Variants in ZBTB20 observed in about 807,000 individuals in gnomAD.
ZBTB20 encodes zinc finger and BTB domain containing 20.
ZBTB20 carries 9 observed loss-of-function variants against 56.9 expected under a neutral mutation model. That is an observed-to-expected ratio of 0.16 (90% CI 0.10 to 0.28). ZBTB20 has a LOEUF of 0.28. Among genes scored for constraint, ZBTB20 ranks in the 10% least tolerant of loss-of-function variants. The pLI, the probability that ZBTB20 is intolerant of heterozygous loss-of-function variation, is 1.00. For synonymous variants in ZBTB20, 417 were observed against 420.7 expected, an observed-to-expected ratio of 0.99 and a Z score of 0.11; for missense variants, 655 against 1,003.0, an observed-to-expected ratio of 0.65 and a Z score of 4.69.
At chr3:115,124,939 T>A (rs963750210) in intron 1 of ZBTB20, among the ~76,000 whole-genome samples, 1 of 152,040 alleles carries the variant, frequency 6.6e-6, no homozygotes, top group South Asian at 2.1e-4. Context: ...CTAATAAACA[T>A]AGGTAAACAC....
At chr3:114,869,706 A>C (rs549434861) in intron 4 of ZBTB20, among the ~76,000 whole-genome samples, 9 of 152,198 alleles carry the variant, frequency 5.9e-5, no homozygotes, top group Non-Finnish European at 1.2e-4. Flanking sequence ...ACAATAAACT[A>C]TATGTGTGAA....
intron 5 of ZBTB20, among the ~76,000 whole-genome samples, chr3:114,708,012 T>C (rs1447225195): frequency 6.6e-6 from 1 of 152,206 alleles, no homozygotes; most frequent in Non-Finnish European, 1.5e-5. Context: ...GTTCAATGCC[T>C]AATGCATTGT....
chr3:114,678,043 C>T (rs2061735147), intron 6 of ZBTB20, among the ~76,000 whole-genome samples: 1 of 152,042 alleles, frequency 6.6e-6, no homozygotes, highest in South Asian at 2.1e-4. Context: ...AAAGGCAAAG[C>T]AATCTGATTC....
chr3:114,929,822 A>G (rs1437397319), intron 3 of ZBTB20, among the ~76,000 whole-genome samples: 1 of 152,232 alleles, frequency 6.6e-6, no homozygotes, highest in Non-Finnish European at 1.5e-5. Flanking sequence ...AATAACAAGA[A>G]TAAGTATTTT....
In ZBTB20 at chr3:114,333,104, C is replaced by G. The variant is rs10934267; in HGVS notation, c.*5901G>C. 0.044 allele frequency: 6,540 copies of G among 150,164 alleles called. 172 individuals carry two copies. The highest frequency in any genetic ancestry group is 0.066 in the South Asian group (318 of 4,824). The allele number at this position is 150,164 out of a possible 1,614,324, so 9.3% of individuals were successfully genotyped here. A position where few individuals can be genotyped will look rare whatever the true frequency, so the allele number is the denominator to read the frequency against. On this transcript the variant is annotated 3_prime_UTR_variant, in exon 12 of 12. Transcript: ENST00000675478. ...AAAAAATCTTCAGAGACTTAGAAAACTCTTTGCAATATTTTGGTCAGGCTG... is the reference window on the plus strand; with the variant it reads ...AAAAAATCTTCAGAGACTTAGAAAAGTCTTTGCAATATTTTGGTCAGGCTG...
chr3:114,423,381 G>C (rs2089362769), intron 7 of ZBTB20, among the ~76,000 whole-genome samples: 1 of 152,082 alleles, frequency 6.6e-6, no homozygotes, highest in Non-Finnish European at 1.5e-5. Flanking sequence ...AGTTAACAAA[G>C]AAGTTAACAA....
intron 6 of ZBTB20, among the ~76,000 whole-genome samples, chr3:114,671,318 G>A (rs186655964): frequency 4.6e-5 from 7 of 152,142 alleles, no homozygotes; most frequent in African/African-American, 1.7e-4. Flanking sequence ...CTTCACTTGC[G>A]CAGCCCCCCT....
chr3:114,724,047 GT>G (rs961575248), intron 5 of ZBTB20, among the ~76,000 whole-genome samples: 6 of 148,352 alleles, frequency 4.0e-5, no homozygotes, highest in African/African-American at 1.5e-4. Context: ...TTTTTTTTTT[GT>G]ATTTTTAGTA....
At chr3:114,343,369 A>G (rs2079940887) in intron 11 of ZBTB20, among the ~76,000 whole-genome samples, 1 of 152,140 alleles carries the variant, frequency 6.6e-6, no homozygotes, top group South Asian at 2.1e-4. Flanking sequence ...AAGACAATGA[A>G]TGCTGTTATC....
At chr3:114,675,697 A>T (rs1236650764) in intron 6 of ZBTB20, among the ~76,000 whole-genome samples, 2 of 152,128 alleles carry the variant, frequency 1.3e-5, no homozygotes, top group Non-Finnish European at 2.9e-5. Context: ...TTTTCCCATC[A>T]TATTAAACTA....
At chr3:114,522,597 G>A (rs1422944409) in intron 6 of ZBTB20, among the ~76,000 whole-genome samples, 1 of 152,134 alleles carries the variant, frequency 6.6e-6, no homozygotes, top group Non-Finnish European at 1.5e-5. Context: ...ACAATTAGGA[G>A]GCTACTGCAA....
chr3:114,350,129 G>C (rs2080533057), intron 11 of ZBTB20, 145 bp downstream of exon 11: 1 of 1,184,874 alleles, frequency 8.4e-7, no homozygotes, highest in South Asian at 1.6e-5. Flanking sequence ...GAACACAGTT[G>C]GGGTTTCTAG....
intron 7 of ZBTB20, among the ~76,000 whole-genome samples, chr3:114,441,897 AAC>A (rs1391432761): frequency 6.6e-6 from 1 of 152,132 alleles, no homozygotes; most frequent in Non-Finnish European, 1.5e-5. Context: ...CCAAAACCAA[AAC>A]AAAAAAAACC....
chr3:114,382,637 T>A (rs1282931566), intron 8 of ZBTB20, among the ~76,000 whole-genome samples: 4 of 152,198 alleles, frequency 2.6e-5, no homozygotes, highest in Non-Finnish European at 5.9e-5. Flanking sequence ...CACAGTGAAT[T>A]CCTCCCTAGG....
intron 6 of ZBTB20, among the ~76,000 whole-genome samples, chr3:114,652,769 T>C (rs1157499716): frequency 1.3e-5 from 2 of 151,992 alleles, no homozygotes; most frequent in Non-Finnish European, 2.9e-5. Flanking sequence ...TACAGATAAT[T>C]TGGGGAAAAA....
At chr3:114,576,451 G>C (rs548069545) in intron 6 of ZBTB20, among the ~76,000 whole-genome samples, 1 of 127,732 alleles carries the variant, frequency 7.8e-6, no homozygotes, top group Non-Finnish European at 1.6e-5. Flanking sequence ...GCAGTGAGTC[G>C]AGATCGCGCC....
chr3:114,516,869 AT>A (rs1423964088), intron 6 of ZBTB20, among the ~76,000 whole-genome samples: 1 of 152,290 alleles, frequency 6.6e-6, no homozygotes, highest in Admixed American at 6.5e-5. Flanking sequence ...GACCCTGTTG[AT>A]ACTTTAATCT....
At chr3:114,879,365 T>C (rs1026077571) in intron 4 of ZBTB20, among the ~76,000 whole-genome samples, 3 of 151,996 alleles carry the variant, frequency 2.0e-5, no homozygotes, top group Non-Finnish European at 4.4e-5. Context: ...CATAAACAAT[T>C]ATGAATAATG....
chr3:114,504,840 G>A (rs2044408716), intron 6 of ZBTB20, among the ~76,000 whole-genome samples: 1 of 152,146 alleles, frequency 6.6e-6, no homozygotes, highest in South Asian at 2.1e-4. Context: ...ATTTACTAGA[G>A]AAAAAAGAGA....
Sources: allele counts gnomAD v4.1 joint callset (sites outside exome capture counted in the v4.1 genomes callset), GRCh38; gene constraint gnomAD v4.1.1; transcripts MANE v1.5; gene names NCBI Gene and HGNC (gene_info 2026-07-23, HGNC 2026-07-21).